DCDC1: variants seen among roughly 807,000 people sequenced by gnomAD.
The protein encoded by DCDC1 is doublecortin domain-containing protein 1.
Under a neutral mutation model 178.3 loss-of-function variants are expected in DCDC1, and 200 were observed. The ratio of observed to expected loss-of-function variants is 1.12; its 90% confidence interval spans 1.00 to 1.26. The LOEUF (loss-of-function observed/expected upper bound fraction) is 1.26, where lower values mean the gene tolerates loss of function less well. Among genes scored for constraint, DCDC1 ranks in the 50% most tolerant of loss-of-function variants. DCDC1 has a pLI of 0.00. For missense variants in DCDC1, 1,983 were observed against 1,749.2 expected, an observed-to-expected ratio of 1.13 and a Z score of -2.38; for synonymous variants, 690 against 604.8, an observed-to-expected ratio of 1.14 and a Z score of -2.07.
intron 9 of DCDC1, among the ~76,000 whole-genome samples, chr11:31,169,525 G>C (rs934369764): frequency 6.6e-6 from 1 of 152,174 alleles, no homozygotes. Flanking sequence ...TGACCTGAAA[G>C]GCAGACAGAG....
intron 9 of DCDC1, among the ~76,000 whole-genome samples, chr11:31,214,889 A>C (rs1973342633): frequency 6.6e-6 from 1 of 151,918 alleles, no homozygotes; most frequent in Non-Finnish European, 1.5e-5. Context: ...TAAGAAATAA[A>C]TTACTATAAA....
chr11:31,094,801 T>A (rs1958046439), intron 15 of DCDC1, among the ~76,000 whole-genome samples: 1 of 152,048 alleles, frequency 6.6e-6, no homozygotes, highest in African/African-American at 2.4e-5. Context: ...CTTCTTTTTT[T>A]TTATATATAT....
chr11:30,942,705 C>T (rs146835282), intron 21 of DCDC1, among the ~76,000 whole-genome samples: 40 of 152,310 alleles, frequency 2.6e-4, no homozygotes, highest in Non-Finnish European at 5.1e-4. Context: ...CAAATGGTAG[C>T]ATCTGCAGAC....
chr11:31,106,610 A>G (rs1958866177), intron 13 of DCDC1, among the ~76,000 whole-genome samples, 187 bp downstream of exon 13: 1 of 152,050 alleles, frequency 6.6e-6, no homozygotes, highest in Non-Finnish European at 1.5e-5. Flanking sequence ...ACAGACAGAG[A>G]TAGAGAGAGA....
intron 7 of DCDC1, among the ~76,000 whole-genome samples, chr11:31,271,418 T>C (rs766937238): frequency 9.9e-5 from 15 of 152,222 alleles, no homozygotes; most frequent in Non-Finnish European, 2.1e-4. Flanking sequence ...TTTTCTATCT[T>C]GAAAATTAAA....
chr11:31,050,755 C>T (rs1287534396), intron 20 of DCDC1, among the ~76,000 whole-genome samples: 1 of 152,164 alleles, frequency 6.6e-6, no homozygotes, highest in Non-Finnish European at 1.5e-5. Flanking sequence ...AGAGAGACAA[C>T]AATAACTGCA....
chr11:31,236,374 T>A (rs910266427), intron 9 of DCDC1, among the ~76,000 whole-genome samples: 1 of 152,044 alleles, frequency 6.6e-6, no homozygotes, highest in African/African-American at 2.4e-5. Flanking sequence ...CAGAAGTTAT[T>A]GAAGCATTTT....
intron 18 of DCDC1, among the ~76,000 whole-genome samples, chr11:31,074,428 T>C (rs188507853): frequency 6.6e-6 from 1 of 152,202 alleles, no homozygotes; most frequent in Non-Finnish European, 1.5e-5. Flanking sequence ...TTGAGTCATA[T>C]GGCAGAGCTC....
At chr11:31,087,064 T>C (rs113678962) in intron 17 of DCDC1, among the ~76,000 whole-genome samples, 1,956 of 152,216 alleles carry the variant, frequency 0.013, 50 homozygotes, top group African/African-American at 0.044. Flanking sequence ...TTAAGAGATG[T>C]AGGACTATTC....
intron 9 of DCDC1, among the ~76,000 whole-genome samples, chr11:31,141,880 G>A (rs1028548931): frequency 1.4e-4 from 22 of 152,142 alleles, no homozygotes; most frequent in African/African-American, 3.1e-4. Context: ...TTCTAACCAC[G>A]AAATCAATCA....
intron 20 of DCDC1, among the ~76,000 whole-genome samples, chr11:31,049,506 G>A (rs913087291): frequency 1.3e-5 from 2 of 152,268 alleles, no homozygotes; most frequent in Non-Finnish European, 1.5e-5. Context: ...CATGGTGGAC[G>A]GGAGGCAAGA....
At chr11:31,184,657 A>T (rs1206082478) in intron 9 of DCDC1, among the ~76,000 whole-genome samples, 2 of 152,256 alleles carry the variant, frequency 1.3e-5, no homozygotes, top group Admixed American at 6.5e-5. Context: ...GCCAACAAAC[A>T]TATGGAAAAA....
intron 20 of DCDC1, among the ~76,000 whole-genome samples, chr11:30,986,281 T>G (rs541751184): frequency 7.8e-4 from 119 of 151,896 alleles, no homozygotes; most frequent in African/African-American, 2.7e-3. Context: ...TTCAGTACCT[T>G]TCAAGTAGTT....
intron 9 of DCDC1, among the ~76,000 whole-genome samples, chr11:31,237,463 T>C (rs946931565): frequency 6.6e-6 from 1 of 151,834 alleles, no homozygotes; most frequent in Non-Finnish European, 1.5e-5. Flanking sequence ...ATATAACATA[T>C]ATAACAGCAT....
chr11:30,915,955 T>C (rs1945802628), intron 26 of DCDC1, among the ~76,000 whole-genome samples: 2 of 152,150 alleles, frequency 1.3e-5, no homozygotes, highest in African/African-American at 4.8e-5. Context: ...AGGAGAATAT[T>C]TGAAAAATTC....
intron 7 of DCDC1, among the ~76,000 whole-genome samples, chr11:31,273,047 T>C (rs1945691371): frequency 6.6e-6 from 1 of 152,142 alleles, no homozygotes; most frequent in Non-Finnish European, 1.5e-5. Flanking sequence ...GACTGCAATG[T>C]AGTATGGGAC....
intron 16 of DCDC1, 50 bp from the exon 17 acceptor site, chr11:31,091,561 C>A (rs1292182863): frequency 8.6e-6 from 6 of 698,086 alleles, no homozygotes; most frequent in South Asian, 4.5e-5. Flanking sequence ...TTAAAAGAAC[C>A]AGAAAATTCA....
chr11:31,143,010 C>T lies in DCDC1; in HGVS notation c.1222-5226G>A, dbSNP rs565404835. Among the ~76,000 whole-genome samples the T allele has an allele frequency of 5.3e-5, 8 of 152,042 alleles. No individual in the cohort carries two copies. The South Asian group carries it at 1.7e-3, about 32-fold the overall frequency. On this transcript the variant is annotated intron_variant, in intron 9 of 38. Coordinates refer to ENST00000684477, the MANE Select transcript of DCDC1 (RefSeq NM_001387274.1). ...AAATAATATGACATGTTTCCACACG[C>T]AACAAACTGTACTAGACATTTTTCC...
At chr11:31,254,983 A>G (rs1397274292) in intron 8 of DCDC1, among the ~76,000 whole-genome samples, 1 of 152,076 alleles carries the variant, frequency 6.6e-6, no homozygotes, top group Non-Finnish European at 1.5e-5. Flanking sequence ...ACCAATCTGC[A>G]TTCTGTCTCT....
Sources: gnomAD v4.1 joint callset for allele counts (sites outside exome capture counted in the v4.1 genomes callset) on GRCh38, gnomAD v4.1.1 for gene constraint, MANE v1.5 for transcripts, NCBI Gene and HGNC (gene_info 2026-07-23, HGNC 2026-07-21) for gene names.